STARD10: variants seen among roughly 807,000 people sequenced by gnomAD.
STARD10 encodes the protein StAR related lipid transfer domain containing 10, also known as START domain-containing protein 10.
A neutral mutation model predicts 36.0 loss-of-function variants in STARD10; 24 were observed. That is an observed-to-expected ratio of 0.67 (90% confidence interval 0.48 to 0.94). The LOEUF (loss-of-function observed/expected upper bound fraction) is 0.94, where lower values mean the gene tolerates loss of function less well. STARD10 is among the 40% of genes least tolerant of loss of function. STARD10 has a pLI of 0.00. For missense variants in STARD10, 335 were observed against 396.6 expected (o/e 0.84, Z 1.32); for synonymous variants, 156 against 161.9 (o/e 0.96, Z 0.28).
At chr11:72,789,359 G>A (rs879912176) in intron 1 of STARD10, among the ~76,000 whole-genome samples, 2 of 152,170 alleles carry the variant, frequency 1.3e-5, no homozygotes, top group Non-Finnish European at 2.9e-5. Flanking sequence ...CTACATCTTT[G>A]TTCCTCAGTC....
intron 5 of STARD10, chr11:72,755,967 C>T (rs1325154331): frequency 2.0e-6 from 1 of 496,360 alleles, no homozygotes; most frequent in Non-Finnish European, 3.6e-6. Context: ...TTTCCCTCTG[C>T]CCAGCCTCAA....
chr11:72,785,626 G>T (rs1252539718), intron 1 of STARD10, among the ~76,000 whole-genome samples: 1 of 150,246 alleles, frequency 6.7e-6, no homozygotes, highest in Non-Finnish European at 1.5e-5. Context: ...CTAACCTGAG[G>T]GTCCTGTTCC....
chr11:72,789,027 G>T (rs4944797), intron 1 of STARD10, among the ~76,000 whole-genome samples: 77,980 of 152,006 alleles, frequency 0.51, 20,170 homozygotes, highest in East Asian at 0.62. Flanking sequence ...AGCTAACTTT[G>T]TAATTTTTTG....
At position 72,755,171 on chromosome 11, in the gene STARD10, G is replaced by C. The variant is rs1487733565; in HGVS notation, c.631-29C>G. On this transcript the variant is annotated intron_variant, in intron 6 of 6. Transcript: ENST00000334805. ...TGGGCCCGCCGCCCCGCCGGGTCAGGGGGTGGCTAGGGGGCAGGTCTTCTC... is the reference window on the plus strand; with the variant it reads ...TGGGCCCGCCGCCCCGCCGGGTCAGCGGGTGGCTAGGGGGCAGGTCTTCTC... 4 of 1,587,632 alleles carry C rather than the reference G, an allele frequency of 2.5e-6. No homozygotes were observed. In the Admixed American group the frequency reaches 5.2e-5, roughly 21 times the overall value.
intron 2 of STARD10, among the ~76,000 whole-genome samples, chr11:72,778,189 C>A (rs775332782): frequency 6.6e-6 from 1 of 152,210 alleles, no homozygotes; most frequent in African/African-American, 2.4e-5. Flanking sequence ...GACTAAGATG[C>A]GAGCCCATGT....
chr11:72,791,937 C>T (rs1859148026), intron 1 of STARD10, among the ~76,000 whole-genome samples: 1 of 151,932 alleles, frequency 6.6e-6, no homozygotes, highest in South Asian at 2.1e-4. Flanking sequence ...TGCAATGGCA[C>T]CATCTCGGCC....
intron 5 of STARD10, among the ~76,000 whole-genome samples, chr11:72,757,132 T>G (rs1591262635): frequency 9.0e-5 from 10 of 111,308 alleles, no homozygotes; most frequent in African/African-American, 1.5e-4. Context: ...GAAACAAGAG[T>G]GAAACTCTGT....
chr11:72,780,291 G>A (rs766151253), intron 2 of STARD10: 23 of 390,704 alleles, frequency 5.9e-5, no homozygotes, highest in Non-Finnish European at 1.1e-4. Context: ...AGATGGCTGT[G>A]AGCGACTGAT....
At chr11:72,791,172 G>A (rs1247588054) in intron 1 of STARD10, among the ~76,000 whole-genome samples, 1 of 152,152 alleles carries the variant, frequency 6.6e-6, no homozygotes, top group Non-Finnish European at 1.5e-5. Context: ...CAGACAATTT[G>A]AGGCTCAGAG....
intron 2 of STARD10, among the ~76,000 whole-genome samples, chr11:72,766,363 G>T (rs562793849): frequency 6.6e-6 from 1 of 152,290 alleles, no homozygotes; most frequent in South Asian, 2.1e-4. Flanking sequence ...CCCCAAAGAG[G>T]TTCCGCCAAG....
chr11:72,771,755 G>A (rs940025331), intron 2 of STARD10, among the ~76,000 whole-genome samples: 6 of 152,268 alleles, frequency 3.9e-5, no homozygotes, highest in South Asian at 2.1e-4. Context: ...AGTGATGAAC[G>A]TTGCAGAGGC....
intron 1 of STARD10, among the ~76,000 whole-genome samples, chr11:72,790,606 G>A (rs1234151619): frequency 6.6e-6 from 1 of 152,222 alleles, no homozygotes; most frequent in Non-Finnish European, 1.5e-5. Context: ...ATGGACTTCT[G>A]CCATGCAGGG....
chr11:72,755,171 G>T (rs1487733565), intron 6 of STARD10, 29 bp from the exon 7 acceptor site: 1 of 1,587,632 alleles, frequency 6.3e-7, no homozygotes, highest in Non-Finnish European at 8.6e-7. Context: ...GCCGGGTCAG[G>T]GGGTGGCTAG....
At chr11:72,788,519 A>G (rs1190436801) in intron 1 of STARD10, among the ~76,000 whole-genome samples, 1 of 151,696 alleles carries the variant, frequency 6.6e-6, no homozygotes, top group African/African-American at 2.4e-5. Context: ...GATTTAGCAA[A>G]TATTTGGGAT....
chr11:72,772,845 T>G (rs1232551102), intron 2 of STARD10, among the ~76,000 whole-genome samples: 1 of 152,138 alleles, frequency 6.6e-6, no homozygotes, highest in East Asian at 1.9e-4. Context: ...GCTGGTCCCC[T>G]GAGGCCCCAT....
chr11:72,789,774 G>A (rs1859118277), intron 1 of STARD10, among the ~76,000 whole-genome samples: 1 of 152,196 alleles, frequency 6.6e-6, no homozygotes, highest in South Asian at 2.1e-4. Context: ...CCTGGAACAG[G>A]CCTGCAGCAG....
At position 72,755,038 on chromosome 11, in the gene STARD10, C is replaced by T. The variant is rs374791926; in HGVS notation, c.735G>A (p.Pro245=). The change falls in exon 7 of 7, where the codon CCG becomes CCA. Residue 245 remains proline (P), a synonymous_variant. Coordinates refer to ENST00000334805, the MANE Select transcript of STARD10 (RefSeq NM_006645.3). ...CCGACAGCTCCGACAGCGCCAGGCTCGGCAACGGGCTCTGCTCCGGGTGCA... is the reference window on the plus strand; with the variant it reads ...CCGACAGCTCCGACAGCGCCAGGCTTGGCAACGGGCTCTGCTCCGGGTGCA... ...PWLHPEQSPL[P]SLALSELSVQ... 6 of 1,613,132 alleles carry T rather than the reference C, an allele frequency of 3.7e-6. No homozygotes were observed. Among genetic ancestry groups the T allele is most frequent in the East Asian group, 4.5e-5 (2 of 44,844 alleles).
At chr11:72,775,143 C>T (rs917948120) in intron 2 of STARD10, among the ~76,000 whole-genome samples, 3 of 152,154 alleles carry the variant, frequency 2.0e-5, no homozygotes, top group African/African-American at 7.2e-5. Context: ...ACATCCATGC[C>T]GTCCTGCATC....
intron 2 of STARD10, among the ~76,000 whole-genome samples, chr11:72,765,031 G>A (rs904962732): frequency 6.6e-6 from 1 of 152,352 alleles, no homozygotes; most frequent in African/African-American, 2.4e-5. Context: ...ACTTCGGGAG[G>A]CCGAGGCGGG....
Sources: allele counts gnomAD v4.1 joint callset (sites outside exome capture counted in the v4.1 genomes callset), GRCh38; gene constraint gnomAD v4.1.1; transcripts MANE v1.5; gene names NCBI Gene and HGNC (gene_info 2026-07-23, HGNC 2026-07-21).